PXDNL: variants seen among roughly 807,000 people sequenced by gnomAD.
PXDNL encodes probable oxidoreductase PXDNL.
Under a neutral mutation model 150.8 loss-of-function variants are expected in PXDNL, and 145 were observed. That is an observed-to-expected ratio of 0.96 (90% CI 0.84 to 1.10). The LOEUF is 1.10. PXDNL is among the 50% of genes least tolerant of loss of function. The pLI is 0.00. For synonymous variants in PXDNL, 757 were observed against 725.7 expected (o/e 1.04, Z -0.69); for missense variants, 2,087 against 1,873.9 (o/e 1.11, Z -2.10).
intron 3 of PXDNL, among the ~76,000 whole-genome samples, chr8:51,587,695 A>C (rs1331637850): frequency 6.6e-6 from 1 of 152,218 alleles, no homozygotes; most frequent in Non-Finnish European, 1.5e-5. Flanking sequence ...CATGTTGTTG[A>C]AACAACAGAG....
At position 51,409,203 on chromosome 8, in the gene PXDNL, G is replaced by A; in HGVS notation, c.2421C>T (p.Gly807=). 1 of 1,585,970 alleles carries A rather than the reference G, an allele frequency of 6.3e-7. No homozygotes were observed. Among genetic ancestry groups the A allele is most frequent in the African/African-American group, 1.3e-5 (1 of 74,444 alleles). Residue 807 remains glycine, a synonymous_variant, in exon 17 of 23, where the codon GGC becomes GGT. Coordinates refer to ENST00000356297, the MANE Select transcript of PXDNL (RefSeq NM_144651.5). ...HSYTRMLMHW[G]WFLEHDLDHT... ...GGTCCAAGTCGTGCTCTAGAAACCA[G>A]CCCCAGTGCATGAGCATGCGCGTGT...
chr8:51,403,088 CAAAA>C (rs201970177), intron 17 of PXDNL, among the ~76,000 whole-genome samples: 2 of 52,878 alleles, frequency 3.8e-5, no homozygotes, highest in Non-Finnish European at 3.9e-5. Flanking sequence ...ACTCCCTCTC[CAAAA>C]AAAAAAAAAA....
intron 4 of PXDNL, among the ~76,000 whole-genome samples, chr8:51,507,028 T>C (rs779819806): frequency 2.0e-5 from 3 of 152,200 alleles, no homozygotes; most frequent in Non-Finnish European, 4.4e-5. Flanking sequence ...TTGTGTCAGA[T>C]GTAACTTCAT....
chr8:51,343,926 C>G (rs1708988067), intron 20 of PXDNL, among the ~76,000 whole-genome samples: 1 of 152,164 alleles, frequency 6.6e-6, no homozygotes, highest in Non-Finnish European at 1.5e-5. Flanking sequence ...GATCAGAGTT[C>G]CAATTACCTT....
At chr8:51,646,825 T>C (rs1453266013) in intron 2 of PXDNL, among the ~76,000 whole-genome samples, 1 of 151,840 alleles carries the variant, frequency 6.6e-6, no homozygotes, top group Non-Finnish European at 1.5e-5. Flanking sequence ...TTAGGAGAGA[T>C]AGGGGACAAC....
rs532769246 is a variant in PXDNL at position 51,443,101 on chromosome 8, G to T, written c.1525+3903C>A. Among the ~76,000 whole-genome samples, 3 of 152,068 alleles carry T rather than the reference G, an allele frequency of 2.0e-5. No homozygotes were observed. The East Asian group carries it at 5.8e-4, about 29-fold the overall frequency. On this transcript the variant is annotated intron_variant, in intron 12 of 22. Coordinates refer to ENST00000356297, the MANE Select transcript of PXDNL (RefSeq NM_144651.5). ...GTTCTGTTCTGATCTCTGGCAACTTGTTTTCTCCTTGTAACATTCTGTTTA... is the reference window on the plus strand; with the variant it reads ...GTTCTGTTCTGATCTCTGGCAACTTTTTTTCTCCTTGTAACATTCTGTTTA...
intron 1 of PXDNL, among the ~76,000 whole-genome samples, chr8:51,761,744 A>T (rs2037168679): frequency 6.6e-6 from 1 of 152,212 alleles, no homozygotes; most frequent in South Asian, 2.1e-4. Flanking sequence ...GTTGTCTGAG[A>T]AAAGGTATTC....
chr8:51,710,436 T>G (rs956429335), intron 1 of PXDNL, among the ~76,000 whole-genome samples: 7 of 152,208 alleles, frequency 4.6e-5, no homozygotes, highest in African/African-American at 1.7e-4. Context: ...TATGTATCAA[T>G]TTTTTGGGGG....
intron 1 of PXDNL, among the ~76,000 whole-genome samples, chr8:51,659,548 A>G (rs1815224078): frequency 6.6e-6 from 1 of 152,212 alleles, no homozygotes; most frequent in South Asian, 2.1e-4. Context: ...ACAGAGAGCA[A>G]CATGAACTAG....
intron 8 of PXDNL, among the ~76,000 whole-genome samples, chr8:51,471,400 C>T (rs1810329720): frequency 6.6e-6 from 1 of 152,114 alleles, no homozygotes; most frequent in Non-Finnish European, 1.5e-5. Context: ...TTTTATCAAA[C>T]AGTACCATGG....
chr8:51,332,050 A>G (rs377182971), intron 21 of PXDNL, among the ~76,000 whole-genome samples: 17 of 152,044 alleles, frequency 1.1e-4, no homozygotes, highest in East Asian at 7.8e-4. Context: ...TAAACCACCC[A>G]AGCTAAGAAA....
chr8:51,701,475 C>T (rs1816257011), intron 1 of PXDNL, among the ~76,000 whole-genome samples: 2 of 152,024 alleles, frequency 1.3e-5, no homozygotes. Context: ...GTTAGAAATT[C>T]CAGGGCTTAG....
At chr8:51,339,339 A>G (rs1805921876) in intron 21 of PXDNL, among the ~76,000 whole-genome samples, 1 of 152,216 alleles carries the variant, frequency 6.6e-6, no homozygotes. Flanking sequence ...GGACGCCTGT[A>G]ATCCCAGCTA....
chr8:51,454,957 A>AGTATAGGGAAAGTTATTATAAT (rs370863538), intron 9 of PXDNL, among the ~76,000 whole-genome samples: 62 of 142,242 alleles, frequency 4.4e-4, no homozygotes, highest in African/African-American at 8.1e-4. Flanking sequence ...GGTAAGGGAA[A>AGTATAGGGAAAGTTATTATAAT]AATTAGCCGG....
At chr8:51,391,266 A>C (rs1240397522) in intron 17 of PXDNL, among the ~76,000 whole-genome samples, 1 of 152,150 alleles carries the variant, frequency 6.6e-6, no homozygotes, top group Admixed American at 6.5e-5. Context: ...CAGTAATGGG[A>C]TGGCTGGGTC....
At chr8:51,652,378 ATCTCTCTCTCTCTC>A (rs10560519) in intron 2 of PXDNL, among the ~76,000 whole-genome samples, 1 of 141,672 alleles carries the variant, frequency 7.1e-6, no homozygotes, top group African/African-American at 2.7e-5. Context: ...CTAGACAGAA[ATCTCTCTCTCTCTC>A]TCTCTCTCTC....
intron 14 of PXDNL, among the ~76,000 whole-genome samples, chr8:51,414,983 T>C (rs1808757124): frequency 6.6e-6 from 1 of 152,218 alleles, no homozygotes; most frequent in African/African-American, 2.4e-5. Context: ...TGAGAGTTCC[T>C]ATAAATCCTC....
chr8:51,459,386 A>G (rs1469824833), intron 8 of PXDNL, among the ~76,000 whole-genome samples: 2 of 152,244 alleles, frequency 1.3e-5, no homozygotes, highest in South Asian at 2.1e-4. Context: ...CATTTTTCAG[A>G]AGGTGATTTA....
At chr8:51,581,701 T>C (rs1053362259) in intron 3 of PXDNL, among the ~76,000 whole-genome samples, 10 of 152,118 alleles carry the variant, frequency 6.6e-5, no homozygotes, top group African/African-American at 2.2e-4. Context: ...CATCCTTGCC[T>C]GGCTTTGATT....
Sources: allele counts gnomAD v4.1 joint callset (sites outside exome capture counted in the v4.1 genomes callset), GRCh38; gene constraint gnomAD v4.1.1; transcripts MANE v1.5; gene names NCBI Gene and HGNC (gene_info 2026-07-23, HGNC 2026-07-21).